The following LSAMP variants were observed in gnomAD, a reference collection of about 807,000 sequenced individuals.
LSAMP encodes the protein limbic system associated membrane protein, also known as limbic system-associated membrane protein.
In LSAMP, 7 loss-of-function variants were observed where a neutral mutation model predicts 38.6. That is an observed-to-expected ratio of 0.18 (90% confidence interval 0.10 to 0.34). The LOEUF (loss-of-function observed/expected upper bound fraction) is 0.34, where lower values mean the gene tolerates loss of function less well. Among genes scored for constraint, LSAMP ranks in the 10% least tolerant of loss-of-function variants. The pLI is 1.00. For synonymous variants in LSAMP, 154 were observed against 166.8 expected, an observed-to-expected ratio of 0.92 and a Z score of 0.59; for missense variants, 313 against 420.0, an observed-to-expected ratio of 0.75 and a Z score of 2.23.
At chr3:115,941,542 T>G (rs922244089) in intron 3 of LSAMP, among the ~76,000 whole-genome samples, 1 of 151,942 alleles carries the variant, frequency 6.6e-6, no homozygotes, top group Non-Finnish European at 1.5e-5. Context: ...AACAGATAAA[T>G]GTATTTAAAA....
At chr3:116,373,206 T>G (rs552862881) in intron 1 of LSAMP, among the ~76,000 whole-genome samples, 1 of 151,424 alleles carries the variant, frequency 6.6e-6, no homozygotes, top group East Asian at 1.9e-4. Flanking sequence ...AAACGTGTTT[T>G]TTATATATAT....
intron 3 of LSAMP, among the ~76,000 whole-genome samples, chr3:115,996,554 A>C (rs1250071765): frequency 6.6e-6 from 1 of 152,182 alleles, no homozygotes; most frequent in Non-Finnish European, 1.5e-5. Context: ...ATGTAAATTC[A>C]AAATGGGAAA....
chr3:116,240,642 T>C (rs183654848), intron 1 of LSAMP, among the ~76,000 whole-genome samples: 16 of 152,272 alleles, frequency 1.1e-4, no homozygotes, highest in Middle Eastern at 3.4e-3. Flanking sequence ...ATTGTAGAAG[T>C]TGCATCAAGA....
chr3:116,208,118 C>G (rs1576432939), intron 1 of LSAMP, among the ~76,000 whole-genome samples: 1 of 151,274 alleles, frequency 6.6e-6, no homozygotes, highest in Non-Finnish European at 1.5e-5. Context: ...TCTTTTTTCT[C>G]TAAACTTCCC....
chr3:115,992,027 G>A (rs949499110), intron 3 of LSAMP, among the ~76,000 whole-genome samples: 2 of 152,038 alleles, frequency 1.3e-5, no homozygotes, highest in Admixed American at 6.6e-5. Context: ...GAAAGGGGGC[G>A]GGTGGACAGC....
Position 116,191,326 on chromosome 3 carries a change from TAAG to T in LSAMP, c.156-104773_156-104771del, listed in dbSNP as rs560596685. Among the ~76,000 whole-genome samples, 28 of 152,248 alleles carry T rather than the reference TAAG, an allele frequency of 1.8e-4. No homozygotes were observed. In the East Asian group the frequency reaches 4.4e-3, roughly 24 times the overall value. ...TGAGGGTCAGGAATCTGCATTTTAA[TAAG>T]AACGCAACATAAGAGATACTGATGA... On this transcript the variant is annotated intron_variant, in intron 1 of 6. Transcript: ENST00000490035.
At chr3:116,437,765 A>C (rs1795282) in intron 1 of LSAMP, among the ~76,000 whole-genome samples, 5,130 of 152,240 alleles carry the variant, frequency 0.034, 275 homozygotes, top group African/African-American at 0.12. Context: ...ATTTCATCAG[A>C]TAAAATGAAA....
intron 2 of LSAMP, among the ~76,000 whole-genome samples, chr3:116,067,464 C>T (rs1707485380): frequency 6.6e-6 from 1 of 152,164 alleles, no homozygotes; most frequent in South Asian, 2.1e-4. Flanking sequence ...CATACAGCAG[C>T]CGAGGTATAT....
chr3:116,144,562 C>CTTTT (rs3071080), intron 1 of LSAMP, among the ~76,000 whole-genome samples: 2 of 142,136 alleles, frequency 1.4e-5, no homozygotes, highest in Non-Finnish European at 3.1e-5. Flanking sequence ...CATCACCTTA[C>CTTTT]TTTTTTTTTT....
At chr3:115,998,808 T>A (rs1263836414) in intron 3 of LSAMP, among the ~76,000 whole-genome samples, 2 of 152,004 alleles carry the variant, frequency 1.3e-5, no homozygotes, top group Non-Finnish European at 2.9e-5. Flanking sequence ...AGTTCTCCCA[T>A]CTCCCGCCCG....
chr3:115,834,693 T>C, intron 6 of LSAMP: 1 of 478,888 alleles, frequency 2.1e-6, no homozygotes, highest in Non-Finnish European at 3.0e-6. Flanking sequence ...ATACAACAGA[T>C]GAATTTCCAT....
At chr3:116,171,156 C>A (rs1423106285) in intron 1 of LSAMP, among the ~76,000 whole-genome samples, 1 of 152,118 alleles carries the variant, frequency 6.6e-6, no homozygotes, top group African/African-American at 2.4e-5. Flanking sequence ...TTGCATTCCA[C>A]ATTGGATTGT....
intron 1 of LSAMP, among the ~76,000 whole-genome samples, chr3:116,411,183 G>A (rs566006347): frequency 6.6e-6 from 1 of 152,226 alleles, no homozygotes; most frequent in African/African-American, 2.4e-5. Context: ...TGGTGGGACT[G>A]TAAACTAGTT....
intron 1 of LSAMP, among the ~76,000 whole-genome samples, chr3:116,220,528 T>G (rs911679117): frequency 1.7e-4 from 26 of 152,128 alleles, no homozygotes; most frequent in Non-Finnish European, 3.1e-4. Flanking sequence ...GAAAAGTGAC[T>G]ATTGGGACTT....
rs7636420 is a variant in LSAMP at position 116,005,410 on chromosome 3, C to T, written c.514+14105G>A. 4.3e-3 allele frequency among the ~76,000 whole-genome samples: 661 copies of T among 152,250 alleles called. 2 individuals carry two copies. The highest frequency in any genetic ancestry group is 0.015 in the African/African-American group (634 of 41,516). ...GCAGCCCTTTATCCCATCCCAGTCC[C>T]CAGTCTCACACCCTTACACAGCATG... On this transcript the variant is annotated intron_variant, in intron 3 of 6. Coordinates refer to ENST00000490035, the MANE Select transcript of LSAMP (RefSeq NM_002338.5).
chr3:115,998,872 C>A (rs1939904936), intron 3 of LSAMP, among the ~76,000 whole-genome samples: 1 of 152,024 alleles, frequency 6.6e-6, no homozygotes, highest in Non-Finnish European at 1.5e-5. Flanking sequence ...AGGGTCCTTA[C>A]TTAAGAGAGC....
intron 3 of LSAMP, among the ~76,000 whole-genome samples, chr3:115,902,944 A>G (rs1483015937): frequency 6.6e-6 from 1 of 152,144 alleles, no homozygotes; most frequent in Non-Finnish European, 1.5e-5. Flanking sequence ...GCAATTCCTC[A>G]AAGAGCTAAG....
chr3:115,836,696 A>G (rs1199141491), intron 6 of LSAMP, among the ~76,000 whole-genome samples: 1 of 150,662 alleles, frequency 6.6e-6, no homozygotes, highest in East Asian at 1.9e-4. Context: ...GTATCCACAG[A>G]GCCCATTTAA....
intron 2 of LSAMP, among the ~76,000 whole-genome samples, chr3:116,046,230 C>A (rs1011868985): frequency 5.3e-5 from 8 of 152,162 alleles, no homozygotes; most frequent in Non-Finnish European, 1.5e-5. Flanking sequence ...TGGGTTGAGG[C>A]AGCCCTCCTG....
Sources: allele counts gnomAD v4.1 joint callset (sites outside exome capture counted in the v4.1 genomes callset), GRCh38; gene constraint gnomAD v4.1.1; transcripts MANE v1.5; gene names NCBI Gene and HGNC (gene_info 2026-07-23, HGNC 2026-07-21).